Variants in THADA observed in about 807,000 individuals in gnomAD.
THADA encodes the protein THADA armadillo repeat containing.
In THADA, 213 loss-of-function variants were observed where a neutral mutation model predicts 219.8. That is an observed-to-expected ratio of 0.97 (90% CI 0.87 to 1.09). The LOEUF (loss-of-function observed/expected upper bound fraction) is 1.09. THADA is among the 50% of genes least tolerant of loss of function. The pLI is 0.00. For synonymous variants in THADA, 1,018 were observed against 828.9 expected, an observed-to-expected ratio of 1.23 and a Z score of -3.92; for missense variants, 2,956 against 2,311.3, an observed-to-expected ratio of 1.28 and a Z score of -5.72.
Position 43,552,296 on chromosome 2 carries a change from C to T in THADA, c.2718G>A (p.Gln906=), listed in dbSNP as rs768467150. The T allele has an allele frequency of 1.2e-5, 19 of 1,608,032 alleles. No individual in the cohort carries two copies. Among genetic ancestry groups the T allele is most frequent in the African/African-American group, 4.0e-5 (3 of 74,610 alleles). ...LMENLEEEVS[Q]AENSLLQAAA... is the part of the protein sequence containing the mutation. Reference sequence around the variant, plus strand: ...CTGCCTGAAGCAGAGAATTTTCAGCCTGAGATACTTCTTCCTCAAGATTTT... The same window carrying T: ...CTGCCTGAAGCAGAGAATTTTCAGCTTGAGATACTTCTTCCTCAAGATTTT... Residue 906 remains glutamine (Q), a synonymous_variant, in exon 18 of 38, where the codon CAG becomes CAA. Coordinates refer to ENST00000405975, the MANE Select transcript of THADA (RefSeq NM_022065.5).
At chr2:43,240,391 C>T (rs150543472) in intron 36 of THADA, among the ~76,000 whole-genome samples, 268 of 152,304 alleles carry the variant, frequency 1.8e-3, no homozygotes, top group African/African-American at 6.1e-3. Context: ...TCTCCATGGT[C>T]GTCTTCACTT....
At chr2:43,388,380 G>A (rs1407978833) in intron 29 of THADA, among the ~76,000 whole-genome samples, 2 of 152,072 alleles carry the variant, frequency 1.3e-5, no homozygotes, top group East Asian at 3.8e-4. Flanking sequence ...CAGTAAGAGT[G>A]GAATGGCTCG....
chr2:43,503,524 A>C (rs1295497968), intron 24 of THADA, among the ~76,000 whole-genome samples: 3 of 152,190 alleles, frequency 2.0e-5, no homozygotes, highest in African/African-American at 4.8e-5. Context: ...GTTAGTGATT[A>C]TAACTGAGGA....
intron 34 of THADA, among the ~76,000 whole-genome samples, chr2:43,290,243 A>AT (rs1674530747): frequency 6.6e-6 from 1 of 150,940 alleles, no homozygotes; most frequent in Non-Finnish European, 1.5e-5. Context: ...AAGTGCTGGG[A>AT]TTACAGGTGT....
At chr2:43,589,799 T>C (rs953147027) in intron 4 of THADA, among the ~76,000 whole-genome samples, 2 of 151,718 alleles carry the variant, frequency 1.3e-5, no homozygotes, top group Admixed American at 1.3e-4. Flanking sequence ...TGTAACCAAG[T>C]ACCACCTGTT....
At chr2:43,355,310 A>G (rs1459510861) in intron 29 of THADA, among the ~76,000 whole-genome samples, 1 of 152,138 alleles carries the variant, frequency 6.6e-6, no homozygotes, top group Non-Finnish European at 1.5e-5. Context: ...GAACCTCCAA[A>G]CTGTTCTCCA....
Position 43,571,753 on chromosome 2 carries a change from CTGT to C in THADA, c.2015_2017del (p.Asn672del). On this transcript the variant is annotated inframe_deletion, in exon 13 of 38. Transcript: ENST00000405975. ...CTGTTGCCGCACTCCTGGAGACTGGCTGTTAAGATTGTATGTAATAAAGAACTG... is the reference window on the plus strand; with the variant it reads ...CTGTTGCCGCACTCCTGGAGACTGGCTAAGATTGTATGTAATAAAGAACTG... 1 of 1,613,860 alleles carries C rather than the reference CTGT, an allele frequency of 6.2e-7. No individual in the cohort carries two copies.
At chr2:43,539,448 G>A (rs917389841) in intron 21 of THADA, among the ~76,000 whole-genome samples, 3 of 152,208 alleles carry the variant, frequency 2.0e-5, no homozygotes, top group African/African-American at 7.2e-5. Flanking sequence ...GAATTCTCCA[G>A]TAATGTAAAT....
At chr2:43,529,978 C>G (rs1350166767) in intron 21 of THADA, among the ~76,000 whole-genome samples, 1 of 152,026 alleles carries the variant, frequency 6.6e-6, no homozygotes, top group Non-Finnish European at 1.5e-5. Context: ...AACCTATAAT[C>G]CAATTCAGTT....
At chr2:43,560,755 A>C (rs1386521002) in intron 15 of THADA, among the ~76,000 whole-genome samples, 12 of 152,072 alleles carry the variant, frequency 7.9e-5, no homozygotes, top group Non-Finnish European at 1.5e-5. Context: ...AGCGGCTCAC[A>C]CCTGTAATCC....
At chr2:43,451,316 C>T (rs745969696) in intron 26 of THADA, among the ~76,000 whole-genome samples, 8 of 152,198 alleles carry the variant, frequency 5.3e-5, no homozygotes, top group Non-Finnish European at 1.0e-4. Flanking sequence ...AAACTCTGAA[C>T]AGCTATCCAC....
chr2:43,502,275 T>C (rs1689085845), intron 24 of THADA, among the ~76,000 whole-genome samples: 1 of 151,990 alleles, frequency 6.6e-6, no homozygotes, highest in African/African-American at 2.4e-5. Context: ...TTGAAAACTT[T>C]TAAAAGAAAA....
intron 28 of THADA, among the ~76,000 whole-genome samples, chr2:43,407,388 T>C (rs921736471): frequency 6.6e-6 from 1 of 152,212 alleles, no homozygotes; most frequent in Non-Finnish European, 1.5e-5. Flanking sequence ...TTTTTAGCTT[T>C]CAAATTTTCT....
At chr2:43,406,189 G>T (rs1675510100) in intron 28 of THADA, among the ~76,000 whole-genome samples, 1 of 152,234 alleles carries the variant, frequency 6.6e-6, no homozygotes, top group Non-Finnish European at 1.5e-5. Context: ...AATGGCTATG[G>T]CTACTTGATT....
rs1022705059 is a variant in THADA at position 43,493,236 on chromosome 2, C to A, written c.3744+5597G>T. Among the ~76,000 whole-genome samples, 6 of 152,322 alleles carry A rather than the reference C, an allele frequency of 3.9e-5. No individual in the cohort carries two copies. In the South Asian group the frequency reaches 1.2e-3, roughly 32 times the overall value. ...TATAGGCCAGGCGCAGTGGCTCACA[C>A]CTGTAATTCCAGCAATCTGGGAGGA... On this transcript the variant is annotated intron_variant, in intron 25 of 37. Coordinates refer to ENST00000405975, the MANE Select transcript of THADA (RefSeq NM_022065.5).
intron 29 of THADA, among the ~76,000 whole-genome samples, chr2:43,352,669 G>C (rs1350889051): frequency 1.3e-5 from 2 of 152,034 alleles, no homozygotes; most frequent in Non-Finnish European, 2.9e-5. Context: ...GTTATGAGGA[G>C]AGGGAGAGGG....
intron 1 of THADA, among the ~76,000 whole-genome samples, chr2:43,594,814 C>T (rs1164277721): frequency 6.6e-6 from 1 of 152,158 alleles, no homozygotes; most frequent in African/African-American, 2.4e-5. Flanking sequence ...CTGACTCCTT[C>T]TCACCATTCA....
chr2:43,428,542 T>C (rs1345412045), intron 27 of THADA, among the ~76,000 whole-genome samples: 1 of 152,070 alleles, frequency 6.6e-6, no homozygotes. Flanking sequence ...GAGGCGGAGG[T>C]TGCAGTGAGC....
At chr2:43,399,771 G>A (rs531526104) in intron 28 of THADA, among the ~76,000 whole-genome samples, 2 of 152,180 alleles carry the variant, frequency 1.3e-5, no homozygotes, top group East Asian at 1.9e-4. Flanking sequence ...TTCTTTTTAA[G>A]TGATTAAATG....
Sources: allele counts gnomAD v4.1 joint callset (sites outside exome capture counted in the v4.1 genomes callset), GRCh38; gene constraint gnomAD v4.1.1; transcripts MANE v1.5; gene names NCBI Gene and HGNC (gene_info 2026-07-23, HGNC 2026-07-21).